Variants in UNC5C observed in about 807,000 individuals in gnomAD.
UNC5C encodes the protein netrin receptor UNC5C.
In UNC5C, 47 loss-of-function variants were observed where a neutral mutation model predicts 99.8. The observed-to-expected ratio is 0.47, with a 90% CI of 0.37 to 0.60. The LOEUF (loss-of-function observed/expected upper bound fraction) is 0.60. Ranked by LOEUF, UNC5C falls within the 20% of genes least tolerant of loss-of-function variation. UNC5C has a pLI of 0.00. For synonymous variants in UNC5C, 487 were observed against 452.2 expected (o/e 1.08, Z -0.98); for missense variants, 1,062 against 1,165.9 (o/e 0.91, Z 1.30).
At chr4:95,199,174 A>G (rs926568709) in intron 12 of UNC5C, among the ~76,000 whole-genome samples, 4 of 152,280 alleles carry the variant, frequency 2.6e-5, no homozygotes, top group African/African-American at 7.2e-5. Context: ...TCTGGGCAAC[A>G]GTGGTTAGAG....
intron 1 of UNC5C, among the ~76,000 whole-genome samples, chr4:95,338,191 C>T (rs1009015853): frequency 3.3e-5 from 5 of 152,022 alleles, no homozygotes; most frequent in African/African-American, 1.2e-4. Flanking sequence ...ACTCAACCAT[C>T]GAAGTTGGTC....
chr4:95,216,605 A>T (rs570379698), intron 9 of UNC5C, among the ~76,000 whole-genome samples: 3 of 152,200 alleles, frequency 2.0e-5, no homozygotes, highest in Non-Finnish European at 4.4e-5. Flanking sequence ...CAACATAAAA[A>T]AAAAAACAAC....
At chr4:95,536,381 A>G (rs1358844593) in intron 1 of UNC5C, among the ~76,000 whole-genome samples, 2 of 152,090 alleles carry the variant, frequency 1.3e-5, no homozygotes, top group Non-Finnish European at 2.9e-5. Flanking sequence ...CAGCCACTCA[A>G]TATATTTTTT....
At chr4:95,190,834 A>G (rs534582819) in intron 12 of UNC5C, among the ~76,000 whole-genome samples, 10 of 152,296 alleles carry the variant, frequency 6.6e-5, no homozygotes, top group African/African-American at 1.9e-4. Context: ...GCTGCCTCCA[A>G]AGCAGACTGG....
intron 12 of UNC5C, among the ~76,000 whole-genome samples, chr4:95,200,525 A>C (rs1311305390): frequency 6.6e-6 from 1 of 152,260 alleles, no homozygotes; most frequent in Non-Finnish European, 1.5e-5. Flanking sequence ...TGGATGATAC[A>C]TCTATAAAGT....
intron 12 of UNC5C, among the ~76,000 whole-genome samples, chr4:95,190,516 A>G (rs534067465): frequency 2.0e-5 from 3 of 152,112 alleles, no homozygotes; most frequent in East Asian, 1.9e-4. Flanking sequence ...TGTCGGGACA[A>G]AGTCTTGCCT....
intron 1 of UNC5C, among the ~76,000 whole-genome samples, chr4:95,534,487 G>A (rs983240276): frequency 1.3e-5 from 2 of 152,078 alleles, no homozygotes; most frequent in Non-Finnish European, 2.9e-5. Context: ...AGTATTCTTT[G>A]TAGCTGAAAG....
At chr4:95,231,644 T>C (rs1460803611) in intron 7 of UNC5C, among the ~76,000 whole-genome samples, 1 of 152,162 alleles carries the variant, frequency 6.6e-6, no homozygotes, top group Non-Finnish European at 1.5e-5. Context: ...TTTGTTCTGA[T>C]GCAAATGTTC....
At chr4:95,369,202 G>A (rs1225589376) in intron 1 of UNC5C, among the ~76,000 whole-genome samples, 1 of 147,076 alleles carries the variant, frequency 6.8e-6, no homozygotes, top group Non-Finnish European at 1.5e-5. Flanking sequence ...TCAATTTGGT[G>A]CTAAATTTTT....
intron 1 of UNC5C, among the ~76,000 whole-genome samples, chr4:95,532,627 T>A (rs1722679353): frequency 1.3e-5 from 2 of 152,052 alleles, no homozygotes; most frequent in South Asian, 2.1e-4. Context: ...TAAGAAGGGG[T>A]GAAGATCTAA....
At chr4:95,217,523 A>G (rs1472582742) in intron 9 of UNC5C, among the ~76,000 whole-genome samples, 2 of 152,250 alleles carry the variant, frequency 1.3e-5, no homozygotes, top group African/African-American at 4.8e-5. Context: ...TATAGGGATG[A>G]AACAGCATTA....
At chr4:95,501,454 T>C (rs763142040) in intron 1 of UNC5C, among the ~76,000 whole-genome samples, 4 of 152,140 alleles carry the variant, frequency 2.6e-5, no homozygotes, top group Non-Finnish European at 4.4e-5. Flanking sequence ...ATTTGCAACA[T>C]ATTTTTTGTT....
intron 1 of UNC5C, among the ~76,000 whole-genome samples, chr4:95,453,840 C>T (rs1263239413): frequency 5.9e-5 from 9 of 152,078 alleles, no homozygotes; most frequent in Non-Finnish European, 4.4e-5. Flanking sequence ...ACTAGGATTT[C>T]ACATCCTAGT....
chr4:95,495,669 TGTCCAA>T lies in UNC5C; in HGVS notation c.124+53059_124+53064del, dbSNP rs372162529. Among the ~76,000 whole-genome samples, 30 of 151,812 alleles carry T rather than the reference TGTCCAA, an allele frequency of 2.0e-4. 1 individual carries two copies. Among genetic ancestry groups the T allele is most frequent in the African/African-American group, 7.2e-4 (30 of 41,516 alleles). On this transcript the variant is annotated intron_variant, in intron 1 of 15. Coordinates refer to ENST00000453304, the MANE Select transcript of UNC5C (RefSeq NM_003728.4). ...CCAAGGCTTCAGCAAGTTAAATAAC[TGTCCAA>T]GTTCAAATGGCTATTAAATGGCAGA...
chr4:95,395,761 G>A (rs1560817961), intron 1 of UNC5C, among the ~76,000 whole-genome samples: 1 of 152,306 alleles, frequency 6.6e-6, no homozygotes, highest in East Asian at 1.9e-4. Context: ...CAAAAAAGCT[G>A]TAGGGCAGAG....
intron 1 of UNC5C, among the ~76,000 whole-genome samples, chr4:95,426,806 C>G (rs1483736482): frequency 6.6e-6 from 1 of 152,144 alleles, no homozygotes; most frequent in Non-Finnish European, 1.5e-5. Context: ...ACTGAGGAAG[C>G]TAAGAACTTA....
At chr4:95,531,920 G>A (rs1326550269) in intron 1 of UNC5C, among the ~76,000 whole-genome samples, 1 of 152,136 alleles carries the variant, frequency 6.6e-6, no homozygotes, top group Non-Finnish European at 1.5e-5. Context: ...GAAAGTCAAT[G>A]TATTTTGTCA....
intron 10 of UNC5C, among the ~76,000 whole-genome samples, chr4:95,209,756 T>A (rs1313581495): frequency 6.6e-6 from 1 of 152,208 alleles, no homozygotes; most frequent in East Asian, 1.9e-4. Context: ...CAAGTTCTGC[T>A]TTCACCGTGT....
intron 1 of UNC5C, among the ~76,000 whole-genome samples, chr4:95,362,240 G>A (rs1319100826): frequency 6.6e-6 from 1 of 152,112 alleles, no homozygotes; most frequent in Admixed American, 6.6e-5. Flanking sequence ...TTTCCCACTC[G>A]CTTCCCCTCC....
Sources: allele counts gnomAD v4.1 joint callset (sites outside exome capture counted in the v4.1 genomes callset), GRCh38; gene constraint gnomAD v4.1.1; transcripts MANE v1.5; gene names NCBI Gene and HGNC (gene_info 2026-07-23, HGNC 2026-07-21).